COL16A1: variants seen among roughly 807,000 people sequenced by gnomAD.
The protein encoded by COL16A1 is collagen type XVI alpha 1 chain.
COL16A1 carries 189 observed loss-of-function variants against 266.3 expected under a neutral mutation model. The ratio of observed to expected loss-of-function variants is 0.71; its 90% CI spans 0.63 to 0.80. The LOEUF is 0.80. COL16A1 is among the 30% of genes least tolerant of loss of function. The pLI is 0.00. For synonymous variants in COL16A1, 740 were observed against 782.3 expected (o/e 0.95, Z 0.90); for missense variants, 1,928 against 2,122.4 (o/e 0.91, Z 1.80).
At chr1:31,695,458 G>A (rs1644456182) in intron 10 of COL16A1, among the ~76,000 whole-genome samples, 1 of 126,628 alleles carries the variant, frequency 7.9e-6, no homozygotes, top group African/African-American at 3.0e-5. Context: ...ATATGCCCCA[G>A]GTCACACAGC....
In COL16A1 at chr1:31,698,016, G is replaced by T. The variant is rs1428744203; in HGVS notation, c.547C>A (p.His183Asn). 6.2e-7 allele frequency: 1 copy of T among 1,613,484 alleles called. No homozygotes were observed. Among genetic ancestry groups the T allele is most frequent in the South Asian group, 1.1e-5 (1 of 91,070 alleles). The change falls in exon 6 of 71, where the codon CAC (histidine) becomes AAC (asparagine). Residue 183 changes from histidine (H) to asparagine (N), a missense_variant. This residue lies in a region of COL16A1 where 1,552 missense variants were observed against 1,637.2 expected (regional missense o/e 0.95). Transcript: ENST00000373672. This position sits in a 1 kb window ranked among gnomAD's most constrained non-coding sequence, Gnocchi z 4.1. ...GAGGAGGCTGAGCTGCAGTCCACGT[G>T]CACAGAGGCCACACGTCCAGCCACA... ...LSVAGRVASV[H>N]VDCSSASSQP...
intron 52 of COL16A1, 106 bp downstream of exon 52, chr1:31,667,469 C>G (rs879510726): frequency 1.1e-6 from 1 of 916,178 alleles, no homozygotes; most frequent in East Asian, 2.7e-5. Flanking sequence ...AGGGGGGCAG[C>G]AGGGGTCACG....
chr1:31,701,857 C>T (rs961438881), intron 2 of COL16A1, among the ~76,000 whole-genome samples: 7 of 152,096 alleles, frequency 4.6e-5, no homozygotes, highest in Non-Finnish European at 1.5e-5. Flanking sequence ...GGAATACATA[C>T]GAATGCACAA....
chr1:31,653,606 G>A lies in COL16A1; in HGVS notation c.4605C>T (p.Gly1535=). Residue 1535 remains glycine, a synonymous_variant, in exon 70 of 71, where the codon GGC becomes GGT. Transcript: ENST00000373672. The part of the protein sequence containing the change: ...IGIAGENGLP[G]PPGPQGPPGY... ...AATGGTGGTATTTCCTACCTGGGGG[G>A]CCGGGAAGACCATTTTCTCCTGCAA... 1.2e-6 allele frequency: 2 copies of A among 1,613,760 alleles called. No homozygotes were observed. The highest frequency in any genetic ancestry group is 8.5e-7 in the Non-Finnish European group (1 of 1,179,770).
At chr1:31,666,449 G>T in intron 52 of COL16A1, 1 of 292,378 alleles carries the variant, frequency 3.4e-6, no homozygotes, top group Non-Finnish European at 6.4e-6. Flanking sequence ...CTGTGATCTG[G>T]CACCAGCCAC....
chr1:31,679,335 A>G, intron 42 of COL16A1: 1 of 1,392,120 alleles, frequency 7.2e-7, no homozygotes. Context: ...TGCTACTCCA[A>G]AACAGTGGGC....
intron 29 of COL16A1, 41 bp from the exon 30 acceptor site, chr1:31,684,897 G>C (rs1447753559): frequency 1.9e-6 from 3 of 1,612,032 alleles, no homozygotes; most frequent in Admixed American, 3.3e-5. Context: ...ACTCATACCA[G>C]CCACCCCAAA....
Position 31,672,715 on chromosome 1 carries a change from G to C in COL16A1, c.2976+9C>G, listed in dbSNP as rs746903691. 3 of 1,613,508 alleles carry C rather than the reference G, an allele frequency of 1.9e-6. No homozygotes were observed. The African/African-American group carries it at 4.0e-5, about 22-fold the overall frequency. ...CCTGCATAGGGCAGCCCCAAGCCCA[G>C]TCCCTTACCTGGGCGCAGTTGTCGA... On this transcript the variant is annotated intron_variant, in intron 45 of 70. Coordinates refer to ENST00000373672, the MANE Select transcript of COL16A1 (RefSeq NM_001856.4).
chr1:31,694,364 G>T (rs1644405289), intron 11 of COL16A1, among the ~76,000 whole-genome samples, 194 bp from the exon 12 acceptor site: 1 of 152,204 alleles, frequency 6.6e-6, no homozygotes, highest in Non-Finnish European at 1.5e-5. Context: ...TTTGCAGAGG[G>T]TCTAACCTAC....
chr1:31,679,288 A>G (rs1048769389), intron 42 of COL16A1: 2 of 994,320 alleles, frequency 2.0e-6, no homozygotes, highest in Admixed American at 5.9e-5. Flanking sequence ...AAAATAGCAA[A>G]TGTGCAAAAA....
Position 31,657,331 on chromosome 1 carries a change from C to A in COL16A1, c.4021-263G>T. Reference sequence around the variant, plus strand: ...GGAAGAACAGACCGTGCCTGCCTTGCTGTGTGCTTGGATCCTGGCACCTTG... The same window carrying A: ...GGAAGAACAGACCGTGCCTGCCTTGATGTGTGCTTGGATCCTGGCACCTTG... On this transcript the variant is annotated intron_variant, in intron 64 of 70. Transcript: ENST00000373672. The surrounding 1 kb of genome is among the most constrained non-coding windows in gnomAD (Gnocchi z 6.4). 2 of 550,346 alleles carry A rather than the reference C, an allele frequency of 3.6e-6. No homozygotes were observed. Among genetic ancestry groups the A allele is most frequent in the Non-Finnish European group, 6.5e-6 (2 of 306,970 alleles). The allele number at this position is 550,346 out of a possible 1,614,324, so 34.1% of individuals were successfully genotyped here. A position where few individuals can be genotyped will look rare whatever the true frequency, so the allele number is the denominator to read the frequency against.
At chr1:31,662,543 C>T (rs1279634410) in intron 57 of COL16A1, 44 bp downstream of exon 57, 1 of 1,552,424 alleles carries the variant, frequency 6.4e-7, no homozygotes. Context: ...CACACATGCG[C>T]ATGCATCGCA....
chr1:31,689,370 G>A (rs575548510), intron 23 of COL16A1: 32 of 588,802 alleles, frequency 5.4e-5, no homozygotes, highest in African/African-American at 5.4e-4. Flanking sequence ...CTGAAAGAGG[G>A]GGTCTGTGAG....
In COL16A1 at chr1:31,692,968, C is replaced by T. The variant is rs191746868; in HGVS notation, c.1071+124G>A. 2.4e-4 allele frequency: 226 copies of T among 944,936 alleles called. No individual in the cohort carries two copies. In the East Asian group the frequency reaches 5.2e-3, roughly 22 times the overall value. The allele number at this position is 944,936 out of a possible 1,614,324, so 58.5% of individuals were successfully genotyped here. On this transcript the variant is annotated intron_variant, in intron 13 of 70. Coordinates refer to ENST00000373672, the MANE Select transcript of COL16A1 (RefSeq NM_001856.4). ...CTAGAAAGACCCTGGCCCTCACCCC[C>T]CTCCCGTGATCTGGGCCAAGCTGCA...
In COL16A1 at chr1:31,668,329, C is replaced by G; in HGVS notation, c.3250-111G>C. 1 of 1,100,982 alleles carries G rather than the reference C, an allele frequency of 9.1e-7. No homozygotes were observed. The highest frequency in any genetic ancestry group is 1.4e-6 in the Non-Finnish European group (1 of 736,670). The allele number at this position is 1,100,982 out of a possible 1,614,324, so 68.2% of individuals were successfully genotyped here. A position where few individuals can be genotyped will look rare whatever the true frequency, so the allele number is the denominator to read the frequency against. ...CTCTGGGGCTGCCATCTAGCAGGTG[C>G]CAGCCTGCCCCAGCATTGCACACTG... On this transcript the variant is annotated intron_variant, in intron 50 of 70. Transcript: ENST00000373672. This position sits in a 1 kb window ranked among gnomAD's most constrained non-coding sequence, Gnocchi z 5.8.
At position 31,661,475 on chromosome 1, in the gene COL16A1, G is replaced by GGA; in HGVS notation, c.3727-19_3727-18dup. Reference sequence around the variant, plus strand: ...CTTAAAGCCCTGAAAGAAAAAGCAGGGAGTTCTCATGTCCCTCATGTCAGC... The same window carrying GGA: ...CTTAAAGCCCTGAAAGAAAAAGCAGGGAGAGTTCTCATGTCCCTCATGTCAGC... On this transcript the variant is annotated splice_polypyrimidine_tract_variant and intron_variant, in intron 59 of 70. Transcript: ENST00000373672. 1 of 1,614,224 alleles carries GGA rather than the reference G, an allele frequency of 6.2e-7. No homozygotes were observed. The highest frequency in any genetic ancestry group is 8.5e-7 in the Non-Finnish European group (1 of 1,180,050).
rs753322188 is a variant in COL16A1 at position 31,683,028 on chromosome 1, T to C, written c.2470-26A>G. ...CTGTGTAAGAGAAGGTACAAAGGTC[T>C]CAGGGGCAGAATTGGAAGCCAGCTA... is the stretch of plus-strand genomic sequence containing the variant. On this transcript the variant is annotated intron_variant, in intron 36 of 70. Coordinates refer to ENST00000373672, the MANE Select transcript of COL16A1 (RefSeq NM_001856.4). The C allele has an allele frequency of 7.5e-5, 121 of 1,613,640 alleles. No individual in the cohort carries two copies. The East Asian group carries it at 2.7e-3, about 36-fold the overall frequency.
At chr1:31,667,702 A>C in intron 51 of COL16A1, 74 bp from the exon 52 acceptor site, 1 of 1,399,528 alleles carries the variant, frequency 7.1e-7, no homozygotes, top group Non-Finnish European at 9.9e-7. Context: ...CGAGGAGCGG[A>C]GACTGCAGCT....
In COL16A1 at chr1:31,699,905, G is replaced by A; in HGVS notation, c.174C>T (p.Ser58=). 4 of 1,613,606 alleles carry A rather than the reference G, an allele frequency of 2.5e-6. No individual in the cohort carries two copies. The highest frequency in any genetic ancestry group is 3.4e-6 in the Non-Finnish European group (4 of 1,179,446). ...VTGFNLIHRL[S]LMKTSAIKKI... ...TCTTGATGGCAGACGTCTTCATGAG[G>A]CTGAGTCGGTGGATGAGGTTGAAGC... is the stretch of plus-strand genomic sequence containing the variant. The change falls in exon 4 of 71, where the codon AGC becomes AGT. Residue 58 remains serine (S), a synonymous_variant. Transcript: ENST00000373672.
Sources: allele counts gnomAD v4.1 joint callset (sites outside exome capture counted in the v4.1 genomes callset), GRCh38; gene constraint gnomAD v4.1.1; regional missense constraint gnomAD v4.1.1; non-coding constraint Gnocchi (gnomAD v3.1); transcripts MANE v1.5; gene names NCBI Gene and HGNC (gene_info 2026-07-23, HGNC 2026-07-21).